IL27RA: variants seen among roughly 807,000 people sequenced by gnomAD.
IL27RA encodes interleukin 27 receptor subunit alpha.
A neutral mutation model predicts 80.8 loss-of-function variants in IL27RA; 61 were observed. That is an observed-to-expected ratio of 0.76 (90% confidence interval 0.61 to 0.93). IL27RA has a LOEUF of 0.93. Ranked by LOEUF, IL27RA falls within the 40% of genes least tolerant of loss-of-function variation. The pLI is 0.00. For missense variants in IL27RA, 735 were observed against 808.1 expected, an observed-to-expected ratio of 0.91 and a Z score of 1.10; for synonymous variants, 316 against 332.5, an observed-to-expected ratio of 0.95 and a Z score of 0.54.
Position 14,050,871 on chromosome 19 carries a change from C to A in IL27RA, c.1516C>A (p.Leu506Ile). 6.2e-7 allele frequency: 1 copy of A among 1,609,246 alleles called. No homozygotes were observed. Among genetic ancestry groups the A allele is most frequent in the South Asian group, 1.1e-5 (1 of 90,772 alleles). Residue 506 changes from leucine to isoleucine, a missense_variant, in exon 11 of 14, where the codon CTT (leucine) becomes ATT (isoleucine). Physicochemically the swap from Leu to Ile is conservative, Grantham distance 5. Coordinates refer to ENST00000263379, the MANE Select transcript of IL27RA (RefSeq NM_004843.4). ...GGGCCCTCCTGGTCCCATCCTCCGGCTTCATCTACCAGGTAGGGGGGTTGG... is the reference window on the plus strand; with the variant it reads ...GGGCCCTCCTGGTCCCATCCTCCGGATTCATCTACCAGGTAGGGGGGTTGG... ...GQGPPGPILR[L>I]HLPDNTLRWK...
At chr19:14,037,422 T>C (rs535702349) in intron 2 of IL27RA, among the ~76,000 whole-genome samples, 3 of 152,000 alleles carry the variant, frequency 2.0e-5, no homozygotes, top group African/African-American at 7.2e-5. Flanking sequence ...ACACGGCTAA[T>C]TTTTGTATTT....
Position 14,052,260 on chromosome 19 carries a change from G to A in IL27RA, c.1881G>A (p.Leu627=). 1 of 1,543,586 alleles carries A rather than the reference G, an allele frequency of 6.5e-7. No homozygotes were observed. The highest frequency in any genetic ancestry group is 8.7e-7 in the Non-Finnish European group (1 of 1,148,058). The change falls in exon 14 of 14, where the codon CTG becomes CTA. Residue 627 remains leucine, a synonymous_variant. Coordinates refer to ENST00000263379, the MANE Select transcript of IL27RA (RefSeq NM_004843.4). The part of the protein sequence containing the change: ...FLPTPEELGL[L]GPPRPQVLA Reference sequence around the variant, plus strand: ...CCACACCTGAGGAGCTGGGCCTTCTGGGGCCCCCCAGGCCACAGGTTCTGG... The same window carrying A: ...CCACACCTGAGGAGCTGGGCCTTCTAGGGCCCCCCAGGCCACAGGTTCTGG...
chr19:14,049,727 G>A (rs561954684), intron 10 of IL27RA, among the ~76,000 whole-genome samples: 64 of 151,738 alleles, frequency 4.2e-4, no homozygotes, highest in Non-Finnish European at 1.3e-4. Context: ...GATTACAGGC[G>A]CATGCCACCA....
chr19:14,044,586 G>T (rs1476392898), intron 6 of IL27RA, among the ~76,000 whole-genome samples: 1 of 152,024 alleles, frequency 6.6e-6, no homozygotes. Flanking sequence ...AGGACCAACT[G>T]CCTGTTTTCA....
At chr19:14,040,051 C>T in intron 4 of IL27RA, 141 bp downstream of exon 4, 1 of 805,108 alleles carries the variant, frequency 1.2e-6, no homozygotes, top group Non-Finnish European at 2.0e-6. Flanking sequence ...CCTGCATGTG[C>T]CTCTTGTTCA....
chr19:14,032,460 G>A lies in IL27RA; in HGVS notation c.175G>A (p.Asp59Asn), dbSNP rs764050439. The A allele has an allele frequency of 1.9e-5, 31 of 1,613,530 alleles. No homozygotes were observed. Among genetic ancestry groups the A allele is most frequent in the Non-Finnish European group, 2.5e-5 (29 of 1,179,866 alleles). The change falls in exon 2 of 14, where the codon GAC becomes AAC. Residue 59 changes from aspartate to asparagine, a missense_variant. By Grantham distance (23) the Asp-to-Asn change is conservative. Transcript: ENST00000263379. The part of the protein sequence containing the change: ...DLNCSWEPLG[D>N]LGAPSELHLQ... ...GAACTGCTCGTGGGAGCCTCTTGGGGACCTGGGAGCCCCCTCCGAGTTACA... is the reference window on the plus strand; with the variant it reads ...GAACTGCTCGTGGGAGCCTCTTGGGAACCTGGGAGCCCCCTCCGAGTTACA...
chr19:14,038,128 C>A (rs1323011445), intron 2 of IL27RA, among the ~76,000 whole-genome samples: 1 of 151,750 alleles, frequency 6.6e-6, no homozygotes, highest in Non-Finnish European at 1.5e-5. Context: ...CTGCACCTGG[C>A]CTGTCTCTCT....
intron 2 of IL27RA, 122 bp downstream of exon 2, chr19:14,032,625 CT>C: frequency 4.6e-6 from 1 of 217,968 alleles, no homozygotes; most frequent in Admixed American, 9.0e-5. Context: ...CCTGTCTATA[CT>C]AAAAATACAA....
Position 14,032,411 on chromosome 19 carries a change from C to T in IL27RA, c.126C>T (p.Tyr42=), listed in dbSNP as rs1195252346. The change falls in exon 2 of 14, where the codon TAC becomes TAT. Residue 42 remains tyrosine (Y), a synonymous_variant. Transcript: ENST00000263379. ...PQGSAGPLQC[Y]GVGPLGDLNC... Reference sequence around the variant, plus strand: ...GCAGCGCCGGGCCACTGCAGTGCTACGGAGTTGGACCCTTGGGCGACTTGA... The same window carrying T: ...GCAGCGCCGGGCCACTGCAGTGCTATGGAGTTGGACCCTTGGGCGACTTGA... 6.2e-7 allele frequency: 1 copy of T among 1,613,812 alleles called. No individual in the cohort carries two copies. The highest frequency in any genetic ancestry group is 8.5e-7 in the Non-Finnish European group (1 of 1,179,892).
At chr19:14,040,829 C>CA (rs951488217) in intron 4 of IL27RA, among the ~76,000 whole-genome samples, 83 of 128,674 alleles carry the variant, frequency 6.5e-4, no homozygotes, top group South Asian at 2.5e-3. Context: ...GACTCCGTCT[C>CA]AAAAAAAAAA....
chr19:14,052,042 G>T (rs1228086184), intron 13 of IL27RA, 54 bp from the exon 14 acceptor site: 5 of 1,581,006 alleles, frequency 3.2e-6, no homozygotes, highest in Admixed American at 1.8e-5. Context: ...TGGGGAGGGG[G>T]TGAGGTGTGG....
chr19:14,034,658 T>TC (rs1568498451), intron 2 of IL27RA, among the ~76,000 whole-genome samples: 5 of 119,330 alleles, frequency 4.2e-5, no homozygotes, highest in African/African-American at 5.7e-5. Flanking sequence ...AGACTCTGTC[T>TC]AAAAAAAAAA....
chr19:14,032,265 C>G, intron 1 of IL27RA, 121 bp from the exon 2 acceptor site: 1 of 810,234 alleles, frequency 1.2e-6, no homozygotes, highest in Non-Finnish European at 2.0e-6. Flanking sequence ...GCCTCCCTTC[C>G]TGCTGCTCAT....
At chr19:14,035,181 G>C (rs1249673773) in intron 2 of IL27RA, among the ~76,000 whole-genome samples, 3 of 151,850 alleles carry the variant, frequency 2.0e-5, no homozygotes, top group African/African-American at 4.8e-5. Flanking sequence ...ATTTTTAGTA[G>C]ACACAGGGTT....
chr19:14,042,627 G>A lies in IL27RA; in HGVS notation c.694+15G>A, dbSNP rs1179697579. 6.2e-7 allele frequency: 1 copy of A among 1,614,038 alleles called. No homozygotes were observed. The highest frequency in any genetic ancestry group is 2.2e-5 in the East Asian group (1 of 44,874). On this transcript the variant is annotated intron_variant, in intron 5 of 13. Transcript: ENST00000263379. ...ACCGCCTTCTGGTGAGGATATCTGG[G>A]CTTGCCCTCAATCCACGCCCCTCCC...
rs1976187296 is a variant in IL27RA at position 14,052,306 on chromosome 19, G to A, written c.*16G>A. 2.7e-6 allele frequency: 4 copies of A among 1,469,234 alleles called. No individual in the cohort carries two copies. The highest frequency in any genetic ancestry group is 3.6e-6 in the Non-Finnish European group (4 of 1,110,124). The allele number at this position is 1,469,234 out of a possible 1,614,324, so 91.0% of individuals were successfully genotyped here. On this transcript the variant is annotated 3_prime_UTR_variant, in exon 14 of 14. Transcript: ENST00000263379. ...TCTGGCCTGAACCACACGTCTGGCT[G>A]GGGGCTGCCAGCCAGGCTAGAGGGA... is the stretch of plus-strand genomic sequence containing the variant.
intron 12 of IL27RA, 53 bp downstream of exon 12, chr19:14,051,753 A>C: frequency 6.8e-7 from 1 of 1,480,688 alleles, no homozygotes; most frequent in Non-Finnish European, 9.4e-7. Flanking sequence ...GCAGCTGGGC[A>C]TTTTGCTGAG....
intron 6 of IL27RA, among the ~76,000 whole-genome samples, chr19:14,044,651 G>A (rs754703798): frequency 6.6e-6 from 1 of 152,012 alleles, no homozygotes; most frequent in African/African-American, 2.4e-5. Context: ...GCAGGGTAGG[G>A]TCACACAGGT....
rs1390802159 is a variant in IL27RA, at chr19:14,052,729, A to G, written c.*439A>G. ...AAATAAAACATCAAAAACAAAAACA[A>G]TTAGCTGGGCATGATGGCACACACC... On this transcript the variant is annotated 3_prime_UTR_variant, in exon 14 of 14. Coordinates refer to ENST00000263379, the MANE Select transcript of IL27RA (RefSeq NM_004843.4). The G allele has an allele frequency of 6.5e-6, 1 of 154,626 alleles. No individual in the cohort carries two copies. The highest frequency in any genetic ancestry group is 1.9e-4 in the East Asian group (1 of 5,230). The allele number at this position is 154,626 out of a possible 1,614,324, so 9.6% of individuals were successfully genotyped here. A position where few individuals can be genotyped will look rare whatever the true frequency, so the allele number is the denominator to read the frequency against.
Sources: gnomAD v4.1 joint callset for allele counts (sites outside exome capture counted in the v4.1 genomes callset) on GRCh38, gnomAD v4.1.1 for gene constraint, MANE v1.5 for transcripts, NCBI Gene and HGNC (gene_info 2026-07-23, HGNC 2026-07-21) for gene names.